RIPOR3: variants seen among roughly 807,000 people sequenced by gnomAD.
RIPOR3 encodes the protein RIPOR family member 3, also known as family with sequence similarity 65 member C.
In RIPOR3, 95 loss-of-function variants were observed where a neutral mutation model predicts 114.3. The ratio of observed to expected loss-of-function variants is 0.83; its 90% confidence interval spans 0.70 to 0.99. The LOEUF (loss-of-function observed/expected upper bound fraction) is 0.99, where lower values mean the gene tolerates loss of function less well. Among genes scored for constraint, RIPOR3 ranks in the 50% least tolerant of loss-of-function variants. The pLI, the probability that RIPOR3 is intolerant of heterozygous loss-of-function variation, is 0.00. For synonymous variants in RIPOR3, 575 were observed against 543.8 expected, an observed-to-expected ratio of 1.06 and a Z score of -0.80; for missense variants, 1,252 against 1,266.9, an observed-to-expected ratio of 0.99 and a Z score of 0.18.
chr20:50,660,875 A>C (rs56927877), intron 1 of RIPOR3, among the ~76,000 whole-genome samples: 76,426 of 146,458 alleles, frequency 0.52, 22,229 homozygotes, highest in Middle Eastern at 0.67. Flanking sequence ...CCACCTCAGC[A>C]CCCCCCACCT....
chr20:50,595,195 T>C, intron 16 of RIPOR3, 174 bp downstream of exon 16: 2 of 786,382 alleles, frequency 2.5e-6, no homozygotes, highest in East Asian at 2.5e-5. Context: ...CCAGGACTTG[T>C]CTCCCTTACC....
Position 50,587,817 on chromosome 20 carries a change from T to C in RIPOR3, c.2737A>G (p.Thr913Ala), listed in dbSNP as rs2082970026. Residue 913 changes from threonine (T) to alanine (A), a missense_variant, in exon 21 of 22, where the codon ACC becomes GCC. Transcript: ENST00000327979. ...LEAVRAAARE[T>A]TLSFGEKGRL... is the part of the protein sequence containing the mutation. ...CACTTTTTACCGAACGACAGTGTGG[T>C]TTCCCGGGCTGCCGCCCGCACGGCC... is the stretch of plus-strand genomic sequence containing the variant. 6.2e-7 allele frequency: 1 copy of C among 1,614,068 alleles called. No individual in the cohort carries two copies. Among genetic ancestry groups the C allele is most frequent in the African/African-American group, 1.3e-5 (1 of 74,936 alleles).
chr20:50,597,126 C>T, intron 14 of RIPOR3: 1 of 156,220 alleles, frequency 6.4e-6, no homozygotes, highest in Non-Finnish European at 1.4e-5. Flanking sequence ...CCACCATGCC[C>T]AGCTAATTTT....
intron 1 of RIPOR3, among the ~76,000 whole-genome samples, chr20:50,659,506 G>A (rs1428250926): frequency 6.6e-6 from 1 of 151,850 alleles, no homozygotes; most frequent in Admixed American, 6.6e-5. Flanking sequence ...AATTAGCCAG[G>A]CGTGGTGGCA....
intron 1 of RIPOR3, among the ~76,000 whole-genome samples, chr20:50,676,009 G>A (rs559288303): frequency 6.6e-6 from 1 of 152,316 alleles, no homozygotes; most frequent in Admixed American, 6.5e-5. Flanking sequence ...CTGCTGAACT[G>A]TAGGGTAGTG....
chr20:50,676,266 A>G (rs1486950630), intron 1 of RIPOR3, among the ~76,000 whole-genome samples: 1 of 152,118 alleles, frequency 6.6e-6, no homozygotes, highest in Non-Finnish European at 1.5e-5. Flanking sequence ...AGTCAGGGGA[A>G]GTTGGTCTGC....
chr20:50,601,755 T>C (rs1194881013), intron 13 of RIPOR3, among the ~76,000 whole-genome samples: 2 of 152,012 alleles, frequency 1.3e-5, no homozygotes. Flanking sequence ...CTGACAACAC[T>C]CCAAGTTTGG....
At chr20:50,664,046 C>T (rs2086102033) in intron 1 of RIPOR3, among the ~76,000 whole-genome samples, 1 of 151,862 alleles carries the variant, frequency 6.6e-6, no homozygotes, top group Admixed American at 6.6e-5. Flanking sequence ...CCTGCCTCAG[C>T]CTCCCGACTT....
chr20:50,671,362 G>C (rs6126070), intron 1 of RIPOR3, among the ~76,000 whole-genome samples: 123,317 of 151,918 alleles, frequency 0.81, 51,002 homozygotes, highest in East Asian at 0.96. Context: ...CGTTATAAAA[G>C]ACAGTGACTT....
At chr20:50,598,127 A>C (rs768433548) in intron 13 of RIPOR3, among the ~76,000 whole-genome samples, 1 of 152,238 alleles carries the variant, frequency 6.6e-6, no homozygotes, top group Non-Finnish European at 1.5e-5. Context: ...TATTTATGGG[A>C]AACTGCCCAG....
intron 13 of RIPOR3, among the ~76,000 whole-genome samples, chr20:50,601,762 T>C (rs1414740360): frequency 6.6e-6 from 1 of 152,138 alleles, no homozygotes; most frequent in Non-Finnish European, 1.5e-5. Context: ...CACTCCAAGT[T>C]TGGGTTTGTA....
rs60151515 is a variant in RIPOR3 at position 50,666,183 on chromosome 20, A to ATTTCTTTTCTTTTCTTTTCTTTTCT, written c.3+24918_3+24942dup. Among the ~76,000 whole-genome samples the ATTTCTTTTCTTTTCTTTTCTTTTCT allele has an allele frequency of 8.7e-3, 380 of 43,766 alleles. 61 individuals are homozygous for ATTTCTTTTCTTTTCTTTTCTTTTCT. The highest frequency in any genetic ancestry group is 0.033 in the East Asian group (29 of 890). The allele number at this position is 43,766 out of a possible 152,430, so 28.7% of individuals were successfully genotyped here. Reference sequence around the variant, plus strand: ...CCTAGAATACAGAGAAAGGACACCCATTTCTTTTCTTTTCTTTTCTTTTCT... The same window carrying ATTTCTTTTCTTTTCTTTTCTTTTCT: ...CCTAGAATACAGAGAAAGGACACCCATTTCTTTTCTTTTCTTTTCTTTTCTTTTCTTTTCTTTTCTTTTCTTTTCT... On this transcript the variant is annotated intron_variant, in intron 1 of 21. Transcript: ENST00000327979.
At chr20:50,632,471 G>T (rs2084850302) in intron 1 of RIPOR3, among the ~76,000 whole-genome samples, 1 of 152,212 alleles carries the variant, frequency 6.6e-6, no homozygotes. Context: ...GGTGACCCAG[G>T]GAGAGCCAAG....
At chr20:50,618,208 G>A (rs919544264) in intron 3 of RIPOR3, among the ~76,000 whole-genome samples, 2 of 149,482 alleles carry the variant, frequency 1.3e-5, no homozygotes, top group Non-Finnish European at 3.0e-5. Context: ...CAGAGGTTGC[G>A]GTGAGCTGAG....
chr20:50,664,962 C>A (rs1408605599), intron 1 of RIPOR3, among the ~76,000 whole-genome samples: 1 of 151,888 alleles, frequency 6.6e-6, no homozygotes, highest in Non-Finnish European at 1.5e-5. Flanking sequence ...ATTAGCCAGG[C>A]ATGGTGGCGC....
chr20:50,636,310 G>T (rs559973008), intron 1 of RIPOR3, among the ~76,000 whole-genome samples: 1 of 152,328 alleles, frequency 6.6e-6, no homozygotes, highest in East Asian at 1.9e-4. Context: ...AGCAGCAAAT[G>T]GAGGCTGGGT....
At chr20:50,642,517 T>A (rs1568913466) in intron 1 of RIPOR3, among the ~76,000 whole-genome samples, 2 of 152,018 alleles carry the variant, frequency 1.3e-5, no homozygotes, top group Non-Finnish European at 2.9e-5. Flanking sequence ...TGTTAACCAC[T>A]GGTGTTTAAT....
chr20:50,624,455 T>C, intron 2 of RIPOR3, among the ~76,000 whole-genome samples: 1 of 152,162 alleles, frequency 6.6e-6, no homozygotes, highest in East Asian at 1.9e-4. Context: ...CCTTATACCC[T>C]CGCTGCTGCA....
In RIPOR3 at chr20:50,587,312, A is replaced by G. The variant is rs2082950736; in HGVS notation, c.2773T>C (p.Phe925Leu). The change falls in exon 22 of 22, where the codon TTT (phenylalanine) becomes CTT (leucine). Residue 925 changes from phenylalanine (F) to leucine (L), a missense_variant. By Grantham distance (22) the Phe-to-Leu change is conservative. Transcript: ENST00000327979. The stretch of plus-strand genomic sequence containing the variant: ...GAGCAGAGCTTGTCCATCTTCTCAA[A>G]AGCTAACCGTCCTTTTTCACCTGAA... ...LSFGEKGRLA[F>L]EKMDKLCSEQ... 1 of 1,614,012 alleles carries G rather than the reference A, an allele frequency of 6.2e-7. No homozygotes were observed. Among genetic ancestry groups the G allele is most frequent in the Admixed American group, 1.7e-5 (1 of 60,008 alleles).
Sources: gnomAD v4.1 joint callset for allele counts (sites outside exome capture counted in the v4.1 genomes callset) on GRCh38, gnomAD v4.1.1 for gene constraint, MANE v1.5 for transcripts, NCBI Gene and HGNC (gene_info 2026-07-23, HGNC 2026-07-21) for gene names.